BCAS3: variants seen among roughly 807,000 people sequenced by gnomAD.
BCAS3 encodes BCAS4/BCAS3 fusion.
Under a neutral mutation model 116.1 loss-of-function variants are expected in BCAS3, and 53 were observed. That is an observed-to-expected ratio of 0.46 (90% confidence interval 0.37 to 0.57). The LOEUF is 0.57. BCAS3 is among the 20% of genes least tolerant of loss of function. The pLI is 0.00. For synonymous variants in BCAS3, 391 were observed against 408.2 expected, an observed-to-expected ratio of 0.96 and a Z score of 0.51; for missense variants, 917 against 1,165.4, an observed-to-expected ratio of 0.79 and a Z score of 3.10.
intron 22 of BCAS3, among the ~76,000 whole-genome samples, chr17:61,334,931 T>C (rs886978939): frequency 6.6e-6 from 1 of 151,906 alleles, no homozygotes; most frequent in African/African-American, 2.4e-5. Context: ...TTCGCAGAAG[T>C]TGGTCTGTGG....
At chr17:61,153,191 T>C (rs997076916) in intron 22 of BCAS3, among the ~76,000 whole-genome samples, 4 of 152,136 alleles carry the variant, frequency 2.6e-5, no homozygotes, top group African/African-American at 9.7e-5. Flanking sequence ...TTTATGAGAG[T>C]GTTTTCAACT....
intron 22 of BCAS3, among the ~76,000 whole-genome samples, chr17:61,275,201 A>T (rs1188642008): frequency 6.6e-6 from 1 of 152,228 alleles, no homozygotes; most frequent in South Asian, 2.1e-4. Context: ...GTTTAACAGC[A>T]TCAGAACATA....
chr17:60,875,523 A>G (rs536388653), intron 9 of BCAS3, among the ~76,000 whole-genome samples: 33 of 152,220 alleles, frequency 2.2e-4, no homozygotes, highest in Admixed American at 1.4e-3. Flanking sequence ...AATTTAAACC[A>G]TATATGACAG....
intron 7 of BCAS3, among the ~76,000 whole-genome samples, chr17:60,856,598 T>G (rs1339893160): frequency 6.6e-6 from 1 of 151,978 alleles, no homozygotes; most frequent in African/African-American, 2.4e-5. Flanking sequence ...GGTTGAGGCA[T>G]GAGAATCGCT....
chr17:60,750,315 G>A (rs1221711771), intron 6 of BCAS3, among the ~76,000 whole-genome samples: 3 of 152,000 alleles, frequency 2.0e-5, no homozygotes, highest in Non-Finnish European at 4.4e-5. Context: ...TAGCAAACTA[G>A]GAATAGAAAA....
intron 6 of BCAS3, among the ~76,000 whole-genome samples, chr17:60,784,844 C>T (rs1192451581): frequency 6.6e-6 from 1 of 151,912 alleles, no homozygotes; most frequent in Non-Finnish European, 1.5e-5. Flanking sequence ...GCCTGTAATC[C>T]CAGTACTTTG....
At position 61,361,672 on chromosome 17, in the gene BCAS3, G is replaced by A. The variant is rs1162391386; in HGVS notation, c.2426-6655G>A. The A allele has an allele frequency of 6.6e-6, 1 of 152,128 alleles. No individual in the cohort carries two copies. The highest frequency in any genetic ancestry group is 2.4e-5 in the African/African-American group (1 of 41,438). 9.4% of individuals were successfully genotyped at this position (152,128 alleles called of 1,614,324 possible). On this transcript the variant is annotated intron_variant, in intron 22 of 23. Transcript: ENST00000407086. This position sits in a 1 kb window ranked among gnomAD's most constrained non-coding sequence, Gnocchi z 6.5. ...AAAGAGATATCTCCAGAGATGCATA[G>A]ATATAAGAAGATTTATTTTGGGAAT... is the stretch of plus-strand genomic sequence containing the variant.
At chr17:60,980,836 T>C (rs1477414969) in intron 14 of BCAS3, among the ~76,000 whole-genome samples, 1 of 151,288 alleles carries the variant, frequency 6.6e-6, no homozygotes, top group Non-Finnish European at 1.5e-5. Context: ...GTACCTGACC[T>C]TTATTTATTT....
At chr17:60,845,128 C>T (rs960876305) in intron 7 of BCAS3, among the ~76,000 whole-genome samples, 7 of 152,192 alleles carry the variant, frequency 4.6e-5, no homozygotes, top group African/African-American at 1.7e-4. Flanking sequence ...TCTCAGGAGC[C>T]TGAGGCAGGA....
chr17:61,179,683 T>C (rs1275088272), intron 22 of BCAS3, among the ~76,000 whole-genome samples: 1 of 152,190 alleles, frequency 6.6e-6, no homozygotes, highest in Non-Finnish European at 1.5e-5. Flanking sequence ...TATGGTGGTA[T>C]TAGTGGCATT....
At chr17:61,038,169 T>C (rs1432138672) in intron 18 of BCAS3, 115 bp downstream of exon 18, 2 of 885,578 alleles carry the variant, frequency 2.3e-6, no homozygotes, top group South Asian at 1.9e-5. Flanking sequence ...TCACCACAAT[T>C]AACATGGTAA....
chr17:60,740,447 C>T (rs921541787), intron 5 of BCAS3, among the ~76,000 whole-genome samples: 6 of 142,180 alleles, frequency 4.2e-5, no homozygotes, highest in East Asian at 4.1e-4. Context: ...AGCAGTGAGC[C>T]GAGATCATGG....
intron 7 of BCAS3, among the ~76,000 whole-genome samples, chr17:60,814,362 C>T (rs946606455): frequency 2.7e-5 from 4 of 150,090 alleles, no homozygotes; most frequent in Non-Finnish European, 3.0e-5. Context: ...TCAGTTTGGA[C>T]GTTATTTGTA....
intron 13 of BCAS3, among the ~76,000 whole-genome samples, chr17:60,925,694 G>A (rs2059331585): frequency 6.6e-6 from 1 of 151,978 alleles, no homozygotes; most frequent in South Asian, 2.1e-4. Context: ...TATCAAAAGT[G>A]GTATAAATGC....
intron 22 of BCAS3, among the ~76,000 whole-genome samples, chr17:61,102,102 C>T (rs2074365149): frequency 6.6e-6 from 1 of 152,080 alleles, no homozygotes; most frequent in Non-Finnish European, 1.5e-5. Flanking sequence ...ATACTATTAA[C>T]ATTCACAAAA....
At chr17:61,292,366 A>G (rs2052502414) in intron 22 of BCAS3, among the ~76,000 whole-genome samples, 1 of 152,012 alleles carries the variant, frequency 6.6e-6, no homozygotes, top group African/African-American at 2.4e-5. Context: ...AAAAGAAATG[A>G]GGGGCCGGGC....
intron 6 of BCAS3, among the ~76,000 whole-genome samples, chr17:60,781,843 G>C (rs1199053122): frequency 3.9e-5 from 6 of 152,020 alleles, no homozygotes; most frequent in African/African-American, 7.2e-5. Flanking sequence ...CTATTTCTAG[G>C]TGTGAATTTC....
chr17:60,927,025 G>C (rs149252561), intron 13 of BCAS3, among the ~76,000 whole-genome samples: 1 of 152,162 alleles, frequency 6.6e-6, no homozygotes, highest in East Asian at 1.9e-4. Context: ...TAACTTATCT[G>C]TTCCTCCTAC....
chr17:61,042,891 CAAA>C (rs35629825), intron 19 of BCAS3, among the ~76,000 whole-genome samples: 15,547 of 56,340 alleles, frequency 0.28, 235 homozygotes, highest in African/African-American at 0.31. Flanking sequence ...CTCCATCTCA[CAAA>C]AAAAAAAAAA....
Sources: gnomAD v4.1 joint callset for allele counts (sites outside exome capture counted in the v4.1 genomes callset) on GRCh38, gnomAD v4.1.1 for gene constraint, Gnocchi (gnomAD v3.1) non-coding constraint, MANE v1.5 for transcripts, NCBI Gene and HGNC (gene_info 2026-07-23, HGNC 2026-07-21) for gene names.